Variants in GLYATL2 observed in about 807,000 individuals in gnomAD.
GLYATL2 encodes glycine-N-acyltransferase like 2.
Under a neutral mutation model 21.4 loss-of-function variants are expected in GLYATL2, and 25 were observed. That is an observed-to-expected ratio of 1.17 (90% CI 0.85 to 1.63). The LOEUF is 1.63. Among genes scored for constraint, GLYATL2 ranks in the 40% most tolerant of loss-of-function variants. The pLI, the probability that GLYATL2 is intolerant of heterozygous loss-of-function variation, is 0.00. For synonymous variants in GLYATL2, 114 were observed against 118.2 expected, an observed-to-expected ratio of 0.96 and a Z score of 0.23; for missense variants, 361 against 343.3, an observed-to-expected ratio of 1.05 and a Z score of -0.41.
At chr11:58,906,720 C>T (rs759764873), upstream of GLYATL2, among the ~76,000 whole-genome samples, 21 of 152,192 alleles carry the variant, frequency 1.4e-4, no homozygotes, top group Non-Finnish European at 1.5e-5. Flanking sequence ...CATCTTGTAG[C>T]ACGGTGGTTA....
intron 1 of GLYATL2, among the ~76,000 whole-genome samples, chr11:58,887,983 A>G (rs1426719202): frequency 6.6e-6 from 1 of 152,174 alleles, no homozygotes; most frequent in African/African-American, 2.4e-5. Context: ...TCACATTCTC[A>G]CCAGCACTGA....
At chr11:58,836,617 G>A (rs1398672712) in intron 5 of GLYATL2, among the ~76,000 whole-genome samples, 1 of 152,120 alleles carries the variant, frequency 6.6e-6, no homozygotes, top group African/African-American at 2.4e-5. Flanking sequence ...AGTACTAAAA[G>A]CATACATATC....
chr11:58,856,497 C>T (rs1853829671), intron 1 of GLYATL2, among the ~76,000 whole-genome samples: 1 of 152,192 alleles, frequency 6.6e-6, no homozygotes, highest in South Asian at 2.1e-4. Context: ...TGGATTTTGA[C>T]CTGCCTTCCT....
At chr11:58,871,235 T>G (rs1281859332) in intron 1 of GLYATL2, among the ~76,000 whole-genome samples, 4 of 152,086 alleles carry the variant, frequency 2.6e-5, no homozygotes, top group Non-Finnish European at 4.4e-5. Flanking sequence ...TAATATAAAT[T>G]TATTAGTCAT....
intron 1 of GLYATL2, among the ~76,000 whole-genome samples, chr11:58,858,481 AAT>A (rs1408997656): frequency 3.2e-4 from 45 of 138,602 alleles, no homozygotes; most frequent in Non-Finnish European, 2.9e-4. Flanking sequence ...AAAAAAAAAA[AAT>A]TGGATCAAAT....
At chr11:58,888,282 A>AT (rs1854477734) in intron 1 of GLYATL2, among the ~76,000 whole-genome samples, 1 of 152,004 alleles carries the variant, frequency 6.6e-6, no homozygotes, top group Non-Finnish European at 1.5e-5. Flanking sequence ...ATTGATGGAG[A>AT]TTTTGACATG....
rs1853992867 is a variant in GLYATL2 at position 58,864,659 on chromosome 11, A to G, written n.61-26291T>C. ...CAGGTAATGTAAACTTGTTCTTCCT[A>G]TGCTCTTCAATTCATCTTTTCTTAT... On this transcript the variant is annotated intron_variant and non_coding_transcript_variant, in intron 1 of 4. Transcript: ENST00000533636. Among the ~76,000 whole-genome samples the G allele has an allele frequency of 1.3e-5, 2 of 148,992 alleles. 1 individual carries two copies.
At chr11:58,885,350 C>T in intron 1 of GLYATL2, 1 of 303,286 alleles carries the variant, frequency 3.3e-6, no homozygotes, top group Non-Finnish European at 6.5e-6. Context: ...GTCTTTTGAC[C>T]TCCGTTTTTC....
chr11:58,857,997 T>A (rs664041), intron 1 of GLYATL2, among the ~76,000 whole-genome samples: 134,570 of 151,666 alleles, frequency 0.89, 60,859 homozygotes, highest in Non-Finnish European at 0.98. Context: ...GTTTGGGCTT[T>A]AAAACATACA....
intron 1 of GLYATL2, among the ~76,000 whole-genome samples, chr11:58,861,653 G>T (rs1027380453): frequency 8.6e-5 from 13 of 151,296 alleles, no homozygotes; most frequent in Non-Finnish European, 1.6e-4. Flanking sequence ...GTAACATTTG[G>T]TTGTTTAAGA....
At chr11:58,898,691 C>T (rs1281478565) in intron 1 of GLYATL2, among the ~76,000 whole-genome samples, 3 of 151,376 alleles carry the variant, frequency 2.0e-5, no homozygotes, top group Non-Finnish European at 4.4e-5. Context: ...AAAAATTAGC[C>T]GGGCGTTGTG....
At chr11:58,877,437 T>G (rs765090184) in intron 1 of GLYATL2, among the ~76,000 whole-genome samples, 13 of 152,176 alleles carry the variant, frequency 8.5e-5, no homozygotes, top group Non-Finnish European at 1.6e-4. Context: ...GTAGAATGAT[T>G]TTAAAGTCAT....
chr11:58,851,848 C>T (rs1853747114), intron 1 of GLYATL2, among the ~76,000 whole-genome samples: 1 of 152,156 alleles, frequency 6.6e-6, no homozygotes, highest in Non-Finnish European at 1.5e-5. Context: ...AGGAAGATGT[C>T]TGTTAGTGGG....
intron 1 of GLYATL2, among the ~76,000 whole-genome samples, chr11:58,901,669 G>A (rs1365826479): frequency 6.6e-6 from 1 of 151,306 alleles, no homozygotes; most frequent in Non-Finnish European, 1.5e-5. Context: ...AATCCTACCT[G>A]ACAGCCTTTC....
At chr11:58,847,333 C>T (rs542186113), upstream of GLYATL2, among the ~76,000 whole-genome samples, 4 of 152,258 alleles carry the variant, frequency 2.6e-5, no homozygotes, top group East Asian at 7.7e-4. Context: ...AGTAAAGAGA[C>T]TTTGTTTTGC....
At chr11:58,849,278 G>A (rs10792187), upstream of GLYATL2, among the ~76,000 whole-genome samples, 134,703 of 151,816 alleles carry the variant, frequency 0.89, 60,906 homozygotes, top group Non-Finnish European at 0.98. Context: ...AAGTACACAC[G>A]AACAGACAGA....
At chr11:58,890,542 G>A (rs1854523881) in intron 1 of GLYATL2, among the ~76,000 whole-genome samples, 1 of 152,048 alleles carries the variant, frequency 6.6e-6, no homozygotes. Context: ...TGGAGCAGGA[G>A]GCCATAATAC....
At chr11:58,838,799 C>T (rs1222510180) in intron 2 of GLYATL2, among the ~76,000 whole-genome samples, 2 of 152,032 alleles carry the variant, frequency 1.3e-5, no homozygotes, top group African/African-American at 4.8e-5. Flanking sequence ...GTTCAACCAT[C>T]GTAGGACACG....
At chr11:58,899,534 G>T (rs1208741581) in intron 1 of GLYATL2, among the ~76,000 whole-genome samples, 1 of 152,112 alleles carries the variant, frequency 6.6e-6, no homozygotes, top group African/African-American at 2.4e-5. Context: ...AGGAAAAGAG[G>T]CCTCAGATAC....
Sources: allele counts gnomAD v4.1 joint callset (sites outside exome capture counted in the v4.1 genomes callset), GRCh38; gene constraint gnomAD v4.1.1; transcripts MANE v1.5; gene names NCBI Gene and HGNC (gene_info 2026-07-23, HGNC 2026-07-21).